FILIP1L: variants seen among roughly 807,000 people sequenced by gnomAD.
The protein encoded by FILIP1L is filamin A interacting protein 1 like.
A neutral mutation model predicts 96.6 loss-of-function variants in FILIP1L; 55 were observed. That is an observed-to-expected ratio of 0.57 (90% CI 0.46 to 0.71). FILIP1L has a LOEUF of 0.71. FILIP1L is among the 30% of genes least tolerant of loss of function. FILIP1L has a pLI of 0.00. For synonymous variants in FILIP1L, 467 were observed against 473.9 expected, an observed-to-expected ratio of 0.99 and a Z score of 0.19; for missense variants, 1,304 against 1,321.2, an observed-to-expected ratio of 0.99 and a Z score of 0.20.
intron 4 of FILIP1L, among the ~76,000 whole-genome samples, chr3:99,893,623 A>G (rs554241632): frequency 2.0e-5 from 3 of 152,316 alleles, no homozygotes; most frequent in South Asian, 2.1e-4. Flanking sequence ...TCTAAGAATT[A>G]CATCATTTGT....
At chr3:99,878,735 G>A (rs1705622628) in intron 4 of FILIP1L, among the ~76,000 whole-genome samples, 2 of 152,194 alleles carry the variant, frequency 1.3e-5, no homozygotes, top group Admixed American at 6.5e-5. Context: ...CACTTCAAAC[G>A]AAAGTCAAGG....
chr3:100,094,674 C>A (rs549226863), intron 1 of FILIP1L, among the ~76,000 whole-genome samples: 16 of 57,000 alleles, frequency 2.8e-4, no homozygotes, highest in South Asian at 7.6e-4. Context: ...GAAAAGCTGC[C>A]TTTTTTTTTT....
intron 4 of FILIP1L, among the ~76,000 whole-genome samples, chr3:99,913,591 C>T (rs1706861174): frequency 6.6e-6 from 1 of 152,032 alleles, no homozygotes. Flanking sequence ...TATGCAACCA[C>T]TTAAAAAAAG....
intron 1 of FILIP1L, among the ~76,000 whole-genome samples, chr3:99,976,930 A>G (rs1576614485): frequency 6.6e-6 from 1 of 152,266 alleles, no homozygotes; most frequent in Middle Eastern, 3.4e-3. Flanking sequence ...CAAGGAGAAG[A>G]GTCTGTGAGT....
At chr3:100,058,492 T>C (rs1326499026) in intron 1 of FILIP1L, among the ~76,000 whole-genome samples, 2 of 152,182 alleles carry the variant, frequency 1.3e-5, no homozygotes, top group Admixed American at 6.5e-5. Context: ...ATTGATGACC[T>C]CCTCTCTGTC....
chr3:100,109,569 A>G (rs951895641), intron 1 of FILIP1L, among the ~76,000 whole-genome samples: 3 of 152,126 alleles, frequency 2.0e-5, no homozygotes, highest in African/African-American at 7.2e-5. Context: ...TGTTGTATAA[A>G]TGAACTCATT....
At chr3:99,896,618 T>C (rs1234658503) in intron 4 of FILIP1L, among the ~76,000 whole-genome samples, 4 of 152,192 alleles carry the variant, frequency 2.6e-5, no homozygotes, top group East Asian at 1.9e-4. Flanking sequence ...TTTGATGGGC[T>C]AAGAACAAAG....
chr3:99,890,021 C>T (rs1706034099), intron 4 of FILIP1L, among the ~76,000 whole-genome samples: 1 of 152,068 alleles, frequency 6.6e-6, no homozygotes, highest in Non-Finnish European at 1.5e-5. Context: ...CTCTCTGGGA[C>T]CACTTTCCTT....
At chr3:99,879,782 T>C (rs991003996) in intron 4 of FILIP1L, among the ~76,000 whole-genome samples, 17 of 152,166 alleles carry the variant, frequency 1.1e-4, no homozygotes, top group Non-Finnish European at 1.2e-4. Context: ...GGAAACACTG[T>C]CATGTACAAA....
At chr3:99,928,739 G>A (rs148107172) in intron 3 of FILIP1L, among the ~76,000 whole-genome samples, 1 of 152,300 alleles carries the variant, frequency 6.6e-6, no homozygotes, top group African/African-American at 2.4e-5. Context: ...GAGCTCACAG[G>A]GGTTGGGGAA....
chr3:100,003,855 G>C (rs1387788262), intron 1 of FILIP1L, among the ~76,000 whole-genome samples: 1 of 152,094 alleles, frequency 6.6e-6, no homozygotes, highest in Non-Finnish European at 1.5e-5. Flanking sequence ...AACTTTGCAT[G>C]AGTTCAACTA....
At position 100,067,441 on chromosome 3, in the gene FILIP1L, C is replaced by A. The variant is rs569165358; in HGVS notation, c.-11+46612G>T. On this transcript the variant is annotated intron_variant, in intron 1 of 5. Transcript: ENST00000477258. ...TTTGGAATGTCTGTTGAATCCCTGG[C>A]TCCAATTATTCCCATTCCTCCATTA... Among the ~76,000 whole-genome samples, 7 of 152,270 alleles carry A rather than the reference C, an allele frequency of 4.6e-5. No homozygotes were observed. The South Asian group carries it at 1.4e-3, about 32-fold the overall frequency.
At chr3:100,005,164 G>A (rs906060894) in intron 1 of FILIP1L, among the ~76,000 whole-genome samples, 1 of 152,188 alleles carries the variant, frequency 6.6e-6, no homozygotes, top group Non-Finnish European at 1.5e-5. Context: ...GTTACAACCA[G>A]GAAACCTCCC....
At chr3:100,109,901 TGA>T (rs2066459444) in intron 1 of FILIP1L, 1 of 114,710 alleles carries the variant, frequency 8.7e-6, no homozygotes, top group South Asian at 3.0e-4. Flanking sequence ...GTTTCTTTTA[TGA>T]CCCCCCCCCC....
At chr3:99,874,853 T>A (rs963415241) in intron 4 of FILIP1L, among the ~76,000 whole-genome samples, 1 of 152,218 alleles carries the variant, frequency 6.6e-6, no homozygotes, top group Non-Finnish European at 1.5e-5. Flanking sequence ...CCTCAGTGGT[T>A]ATAGTGCTCT....
Position 99,931,025 on chromosome 3 carries a change from T to C in FILIP1L, c.-5A>G, listed in dbSNP as rs759741109. On this transcript the variant is annotated 5_prime_UTR_variant, in exon 2 of 6. An upstream open reading frame in the 5' UTR loses its in-frame stop. Transcript: ENST00000477258. ...ATCACTGCCTCTGGAACGCATTCTT[T>C]AAAGCCTGGAAGGAGGGAAGAAAAT... is the stretch of plus-strand genomic sequence containing the variant. The C allele has an allele frequency of 3.1e-5, 50 of 1,612,298 alleles. No homozygotes were observed. The African/African-American group carries it at 5.2e-4, about 17-fold the overall frequency.
chr3:99,908,717 T>C (rs1706698688), intron 4 of FILIP1L, among the ~76,000 whole-genome samples: 1 of 152,220 alleles, frequency 6.6e-6, no homozygotes, highest in Middle Eastern at 3.2e-3. Flanking sequence ...AATGAGATAA[T>C]CTACTGTGCT....
intron 1 of FILIP1L, among the ~76,000 whole-genome samples, chr3:99,996,040 G>A (rs1040275112): frequency 5.9e-5 from 9 of 152,130 alleles, no homozygotes; most frequent in South Asian, 2.1e-4. Flanking sequence ...CTTGAATTCC[G>A]CCTCAGAAAA....
intron 1 of FILIP1L, among the ~76,000 whole-genome samples, chr3:100,047,454 A>G (rs1255335716): frequency 2.0e-5 from 3 of 152,222 alleles, no homozygotes; most frequent in Non-Finnish European, 4.4e-5. Context: ...TAAAAAAACT[A>G]AAGTATCATG....
Sources: gnomAD v4.1 joint callset for allele counts (sites outside exome capture counted in the v4.1 genomes callset) on GRCh38, gnomAD v4.1.1 for gene constraint, MANE v1.5 for transcripts, NCBI Gene and HGNC (gene_info 2026-07-23, HGNC 2026-07-21) for gene names.